CSMD1: variants seen among roughly 807,000 people sequenced by gnomAD.
CSMD1 encodes the protein CUB and sushi domain-containing protein 1.
A neutral mutation model predicts 417.5 loss-of-function variants in CSMD1; 213 were observed. That is an observed-to-expected ratio of 0.51 (90% CI 0.46 to 0.57). The LOEUF is 0.57. Among genes scored for constraint, CSMD1 ranks in the 20% least tolerant of loss-of-function variants. The probability of loss-of-function intolerance (pLI) is 0.00; values close to 1 mark genes in which losing one functional copy is unlikely to be tolerated. For synonymous variants in CSMD1, 2,862 were observed against 1,736.8 expected, an observed-to-expected ratio of 1.65 and a Z score of -16.11; for missense variants, 6,923 against 4,529.7, an observed-to-expected ratio of 1.53 and a Z score of -15.17.
chr8:3,280,016 C>T (rs1444942993), intron 26 of CSMD1, among the ~76,000 whole-genome samples: 1 of 152,160 alleles, frequency 6.6e-6, no homozygotes, highest in East Asian at 1.9e-4. Flanking sequence ...AAGAGATGGT[C>T]AATGCAGCAG....
intron 33 of CSMD1, among the ~76,000 whole-genome samples, chr8:3,191,244 C>G (rs181975962): frequency 1.3e-5 from 2 of 152,122 alleles, no homozygotes; most frequent in African/African-American, 4.8e-5. Context: ...CACTTGAGGT[C>G]GAGAGTTCGT....
intron 3 of CSMD1, among the ~76,000 whole-genome samples, chr8:4,175,774 T>C (rs996883552): frequency 1.3e-5 from 2 of 152,138 alleles, no homozygotes; most frequent in Non-Finnish European, 2.9e-5. Context: ...AGATATAAAG[T>C]CATGAATACT....
intron 3 of CSMD1, among the ~76,000 whole-genome samples, chr8:4,226,275 G>T (rs921246523): frequency 6.6e-6 from 1 of 152,032 alleles, no homozygotes; most frequent in Admixed American, 6.6e-5. Context: ...AAAAGTATTT[G>T]GGTATTTGGA....
At chr8:3,684,027 A>G (rs961870849) in intron 7 of CSMD1, among the ~76,000 whole-genome samples, 3 of 150,710 alleles carry the variant, frequency 2.0e-5, no homozygotes, top group Non-Finnish European at 4.4e-5. Flanking sequence ...ACTAACACCA[A>G]AGAGACAGTC....
In CSMD1 at chr8:4,311,218, C is replaced by T. The variant is rs898817723; in HGVS notation, c.415+108735G>A. On this transcript the variant is annotated intron_variant, in intron 3 of 69. Coordinates refer to ENST00000635120, the MANE Select transcript of CSMD1 (RefSeq NM_033225.6). ...TGCACGTGAATGTTCATTATAGCACCGTTCACAACAGCAAAGGCACGGAAT... is the reference window on the plus strand; with the variant it reads ...TGCACGTGAATGTTCATTATAGCACTGTTCACAACAGCAAAGGCACGGAAT... Among the ~76,000 whole-genome samples, 4 of 152,188 alleles carry T rather than the reference C, an allele frequency of 2.6e-5. No homozygotes were observed. In the South Asian group the frequency reaches 6.2e-4, roughly 24 times the overall value.
At position 4,740,101 on chromosome 8, in the gene CSMD1, C is replaced by T. The variant is rs184371841; in HGVS notation, c.86-102543G>A. The stretch of plus-strand genomic sequence containing the variant: ...AGAATCTGATGGCTCTCTGTCTCTA[C>T]TGCCATTTTATCTGTATCTCCATCA... On this transcript the variant is annotated intron_variant, in intron 1 of 69. Coordinates refer to ENST00000635120, the MANE Select transcript of CSMD1 (RefSeq NM_033225.6). Among the ~76,000 whole-genome samples, 182 of 152,174 alleles carry T rather than the reference C, an allele frequency of 1.2e-3. 1 individual carries two copies. The highest frequency in any genetic ancestry group is 3.9e-3 in the Admixed American group (60 of 15,286).
intron 3 of CSMD1, among the ~76,000 whole-genome samples, chr8:4,050,612 A>G (rs953217308): frequency 6.6e-6 from 1 of 152,084 alleles, no homozygotes; most frequent in Admixed American, 6.6e-5. Context: ...TATTGCTTAC[A>G]AGAGTCATCC....
At chr8:3,935,523 T>C (rs1454380445) in intron 5 of CSMD1, among the ~76,000 whole-genome samples, 1 of 152,206 alleles carries the variant, frequency 6.6e-6, no homozygotes, top group East Asian at 1.9e-4. Flanking sequence ...TGCCACATTT[T>C]GGTAACTTTC....
intron 3 of CSMD1, among the ~76,000 whole-genome samples, chr8:4,178,728 C>A (rs1315652893): frequency 5.9e-5 from 9 of 152,302 alleles, no homozygotes; most frequent in Non-Finnish European, 1.3e-4. Context: ...GCAACTTCAG[C>A]AAAGTCTCAG....
intron 26 of CSMD1, among the ~76,000 whole-genome samples, chr8:3,232,013 T>C (rs1468097815): frequency 6.6e-6 from 1 of 152,220 alleles, no homozygotes; most frequent in Non-Finnish European, 1.5e-5. Flanking sequence ...AATATATACA[T>C]GTGTGTATCT....
At chr8:4,764,227 A>C (rs1210673274) in intron 1 of CSMD1, among the ~76,000 whole-genome samples, 1 of 152,200 alleles carries the variant, frequency 6.6e-6, no homozygotes, top group Non-Finnish European at 1.5e-5. Context: ...TAAAAGTTAG[A>C]CAGTCGTATT....
chr8:3,879,824 GGTGTGC>G (rs71203486), intron 5 of CSMD1, among the ~76,000 whole-genome samples: 3 of 140,642 alleles, frequency 2.1e-5, no homozygotes, highest in East Asian at 2.0e-4. Flanking sequence ...AGTGTGTACC[GGTGTGC>G]GTGTGCGTGT....
At chr8:3,443,196 C>A (rs770881991) in intron 12 of CSMD1, among the ~76,000 whole-genome samples, 13 of 152,142 alleles carry the variant, frequency 8.5e-5, no homozygotes, top group Non-Finnish European at 1.3e-4. Context: ...AGGATACACG[C>A]ACAAGGCTAT....
chr8:3,409,673 TAGAA>T (rs1812562229), intron 12 of CSMD1, 68 bp from the exon 13 acceptor site: 1 of 1,281,596 alleles, frequency 7.8e-7, no homozygotes, highest in African/African-American at 1.5e-5. Context: ...CTCTACAACT[TAGAA>T]AGTAAATACG....
intron 12 of CSMD1, among the ~76,000 whole-genome samples, chr8:3,442,696 T>C (rs1466983161): frequency 1.3e-5 from 2 of 152,184 alleles, no homozygotes; most frequent in East Asian, 3.9e-4. Flanking sequence ...CGTATCCCTG[T>C]TGTTGTTAAG....
intron 1 of CSMD1, among the ~76,000 whole-genome samples, chr8:4,687,998 G>C (rs924779780): frequency 1.3e-5 from 2 of 152,060 alleles, no homozygotes; most frequent in Non-Finnish European, 2.9e-5. Context: ...ATTCTATCTG[G>C]TGTGTATTTC....
Position 3,284,222 on chromosome 8 carries a change from T to G in CSMD1, c.4075A>C (p.Ser1359Arg). 1.9e-6 allele frequency: 3 copies of G among 1,612,418 alleles called. No individual in the cohort carries two copies. Among genetic ancestry groups the G allele is most frequent in the Non-Finnish European group, 2.5e-6 (3 of 1,179,308 alleles). The change falls in exon 26 of 70, where the codon AGC becomes CGC. Residue 1359 changes from serine to arginine, a missense_variant. Coordinates refer to ENST00000635120, the MANE Select transcript of CSMD1 (RefSeq NM_033225.6). Reference sequence around the variant, plus strand: ...TGCAGGGTGAGTGAGTTGAAGGTGCTGTGGATGTCCTCCGGAAGGGCGGAG... The same window carrying G: ...TGCAGGGTGAGTGAGTTGAAGGTGCGGTGGATGTCCTCCGGAAGGGCGGAG... ...SGSALPEDIH[S>R]TFNSLTLQFD...
chr8:3,311,408 CCCAG>C (rs1450398556), intron 23 of CSMD1, among the ~76,000 whole-genome samples: 1 of 152,088 alleles, frequency 6.6e-6, no homozygotes, highest in African/African-American at 2.4e-5. Context: ...AGCCATCACA[CCCAG>C]CTAATTTTTG....
At chr8:3,195,742 G>A (rs534241932) in intron 33 of CSMD1, among the ~76,000 whole-genome samples, 18 of 152,192 alleles carry the variant, frequency 1.2e-4, no homozygotes, top group African/African-American at 4.3e-4. Flanking sequence ...TAAGAAACTG[G>A]TATAAAACAC....
Sources: allele counts gnomAD v4.1 joint callset (sites outside exome capture counted in the v4.1 genomes callset), GRCh38; gene constraint gnomAD v4.1.1; transcripts MANE v1.5; gene names NCBI Gene and HGNC (gene_info 2026-07-23, HGNC 2026-07-21).